The following SRGAP3 variants were observed in gnomAD, a reference collection of about 807,000 sequenced individuals.
SRGAP3 encodes SLIT-ROBO Rho GTPase-activating protein 3.
In SRGAP3, 39 loss-of-function variants were observed where a neutral mutation model predicts 121.1. That is an observed-to-expected ratio of 0.32 (90% CI 0.25 to 0.42). The LOEUF is 0.42. Among genes scored for constraint, SRGAP3 ranks in the 10% least tolerant of loss-of-function variants. The pLI is 1.00. For missense variants in SRGAP3, 1,213 were observed against 1,470.6 expected (o/e 0.82, Z 2.86); for synonymous variants, 601 against 570.0 (o/e 1.05, Z -0.77).
intron 14 of SRGAP3, among the ~76,000 whole-genome samples, chr3:9,024,247 C>T (rs1366380142): frequency 6.6e-6 from 1 of 152,144 alleles, no homozygotes; most frequent in Non-Finnish European, 1.5e-5. Flanking sequence ...AAGGCATGGA[C>T]TATGGAGACA....
At chr3:9,324,414 A>C (rs1228420933) in intron 3 of SRGAP3, among the ~76,000 whole-genome samples, 3 of 151,928 alleles carry the variant, frequency 2.0e-5, no homozygotes, top group African/African-American at 7.2e-5. Flanking sequence ...ACTGGGAAAC[A>C]GAAGAGCAGT....
At chr3:9,039,481 A>G (rs1944920274) in intron 10 of SRGAP3, among the ~76,000 whole-genome samples, 1 of 152,256 alleles carries the variant, frequency 6.6e-6, no homozygotes, top group Non-Finnish European at 1.5e-5. Flanking sequence ...AAAATAGCAT[A>G]ACTGAGGTAT....
intron 3 of SRGAP3, among the ~76,000 whole-genome samples, chr3:9,280,536 C>T (rs188243430): frequency 3.3e-4 from 51 of 152,340 alleles, no homozygotes; most frequent in South Asian, 2.3e-3. Context: ...CCAGCTGCCT[C>T]GCCCAATTTC....
chr3:9,078,498 T>C (rs17050011), intron 4 of SRGAP3, among the ~76,000 whole-genome samples: 1 of 151,990 alleles, frequency 6.6e-6, no homozygotes, highest in Non-Finnish European at 1.5e-5. Context: ...CTCACACCCA[T>C]CAAGGAGGAG....
chr3:9,210,947 T>G (rs923501290), intron 1 of SRGAP3, among the ~76,000 whole-genome samples: 3 of 152,144 alleles, frequency 2.0e-5, no homozygotes, highest in Admixed American at 6.5e-5. Flanking sequence ...ATCATAATAG[T>G]ATACATTAGT....
At chr3:9,329,929 G>T (rs1955578851) in intron 2 of SRGAP3, among the ~76,000 whole-genome samples, 1 of 152,074 alleles carries the variant, frequency 6.6e-6, no homozygotes. Context: ...TAGCCAAAAG[G>T]GACTTTACCA....
chr3:9,085,892 G>A (rs1042819649), intron 3 of SRGAP3, among the ~76,000 whole-genome samples: 7 of 152,008 alleles, frequency 4.6e-5, no homozygotes, highest in African/African-American at 1.7e-4. Flanking sequence ...TAAAATAATT[G>A]GTATAACAAA....
At chr3:9,222,004 C>G (rs968918685) in intron 1 of SRGAP3, among the ~76,000 whole-genome samples, 1 of 152,196 alleles carries the variant, frequency 6.6e-6, no homozygotes, top group East Asian at 1.9e-4. Flanking sequence ...CTTTGGAAAC[C>G]GCCTGCCCCA....
intron 1 of SRGAP3, among the ~76,000 whole-genome samples, chr3:9,161,432 C>G (rs1235575753): frequency 1.3e-5 from 2 of 152,216 alleles, no homozygotes; most frequent in Admixed American, 6.5e-5. Context: ...GCACAAGACA[C>G]GTGTCATCTC....
intron 12 of SRGAP3, among the ~76,000 whole-genome samples, chr3:9,031,229 G>C (rs1285938588): frequency 6.6e-6 from 1 of 152,234 alleles, no homozygotes; most frequent in Non-Finnish European, 1.5e-5. Flanking sequence ...TGAGGGAAGG[G>C]AGAGTAACTA....
chr3:9,044,259 A>C (rs1057245492), intron 10 of SRGAP3, among the ~76,000 whole-genome samples: 9 of 152,212 alleles, frequency 5.9e-5, no homozygotes, highest in Non-Finnish European at 2.9e-5. Context: ...CAAGACCCCC[A>C]GTGGATGCCT....
At chr3:9,005,029 A>G (rs1418816610) in intron 18 of SRGAP3, among the ~76,000 whole-genome samples, 3 of 152,256 alleles carry the variant, frequency 2.0e-5, no homozygotes, top group Non-Finnish European at 4.4e-5. Flanking sequence ...TAAGGGACTT[A>G]GATCTAGAAT....
At chr3:9,196,596 C>CT (rs1349741553) in intron 1 of SRGAP3, among the ~76,000 whole-genome samples, 1 of 152,108 alleles carries the variant, frequency 6.6e-6, no homozygotes. Flanking sequence ...TATCTTTTGT[C>CT]TTAGAGTTAC....
intron 3 of SRGAP3, among the ~76,000 whole-genome samples, chr3:9,303,424 CAAA>C (rs549883408): frequency 5.7e-5 from 5 of 87,508 alleles, no homozygotes; most frequent in African/African-American, 8.8e-5. Flanking sequence ...GACTCCATCT[CAAA>C]AAAAAAAAAA....
intron 3 of SRGAP3, among the ~76,000 whole-genome samples, chr3:9,289,895 G>C (rs1574975649): frequency 6.6e-6 from 1 of 152,120 alleles, no homozygotes; most frequent in African/African-American, 2.4e-5. Flanking sequence ...ATCACTTGAG[G>C]TCAGGAGTTT....
intron 1 of SRGAP3, among the ~76,000 whole-genome samples, chr3:9,242,214 C>T (rs373925510): frequency 6.6e-6 from 1 of 152,106 alleles, no homozygotes; most frequent in African/African-American, 2.4e-5. Flanking sequence ...AGGCCGTCAC[C>T]AGGAACTGAA....
chr3:9,184,032 C>T (rs1008063074), intron 1 of SRGAP3, among the ~76,000 whole-genome samples: 5 of 152,106 alleles, frequency 3.3e-5, no homozygotes, highest in Non-Finnish European at 7.4e-5. Flanking sequence ...AGAATGCTTT[C>T]GGGGGCCCTT....
intron 1 of SRGAP3, among the ~76,000 whole-genome samples, chr3:9,333,493 T>C (rs1362950996): frequency 6.6e-6 from 1 of 152,188 alleles, no homozygotes. Flanking sequence ...CTCCTTGTCT[T>C]GAACCTTACT....
intron 2 of SRGAP3, among the ~76,000 whole-genome samples, chr3:9,118,957 A>G (rs573215961): frequency 1.3e-5 from 2 of 152,324 alleles, no homozygotes; most frequent in South Asian, 4.1e-4. Flanking sequence ...ATGCAAATCT[A>G]ATTATCACTT....
Sources: gnomAD v4.1 joint callset for allele counts (sites outside exome capture counted in the v4.1 genomes callset) on GRCh38, gnomAD v4.1.1 for gene constraint, MANE v1.5 for transcripts, NCBI Gene and HGNC (gene_info 2026-07-23, HGNC 2026-07-21) for gene names.